The following SGCZ variants were observed in gnomAD, a reference collection of about 807,000 sequenced individuals.
SGCZ encodes zeta-sarcoglycan.
In SGCZ, 40 loss-of-function variants were observed where a neutral mutation model predicts 41.3. That is an observed-to-expected ratio of 0.97 (90% confidence interval 0.75 to 1.26). SGCZ has a LOEUF of 1.26. Among genes scored for constraint, SGCZ ranks in the 50% most tolerant of loss-of-function variants. SGCZ has a pLI of 0.00. For synonymous variants in SGCZ, 206 were observed against 137.5 expected (o/e 1.50, Z -3.49); for missense variants, 552 against 369.8 (o/e 1.49, Z -4.04).
At chr8:15,040,179 T>C (rs1804037569) in intron 1 of SGCZ, among the ~76,000 whole-genome samples, 1 of 152,224 alleles carries the variant, frequency 6.6e-6, no homozygotes. Context: ...AATGTTTAAA[T>C]ACTAATGGTT....
chr8:14,716,107 T>A (rs1210797993), intron 1 of SGCZ, among the ~76,000 whole-genome samples: 3 of 152,066 alleles, frequency 2.0e-5, no homozygotes, highest in Non-Finnish European at 2.9e-5. Flanking sequence ...AAGTGGAACC[T>A]AGAAATTAAT....
intron 1 of SGCZ, among the ~76,000 whole-genome samples, chr8:14,816,868 ATATGT>A (rs1801917129): frequency 6.6e-6 from 1 of 152,246 alleles, no homozygotes; most frequent in African/African-American, 2.4e-5. Context: ...GGCAAAGAGA[ATATGT>A]TATATTTTCC....
At chr8:14,974,510 G>A (rs934684539) in intron 1 of SGCZ, among the ~76,000 whole-genome samples, 1 of 152,062 alleles carries the variant, frequency 6.6e-6, no homozygotes, top group Non-Finnish European at 1.5e-5. Context: ...TCCCAAACTG[G>A]CCATGCATTT....
At chr8:14,878,091 C>G (rs1804433041) in intron 1 of SGCZ, among the ~76,000 whole-genome samples, 2 of 151,958 alleles carry the variant, frequency 1.3e-5, no homozygotes, top group South Asian at 4.1e-4. Flanking sequence ...AATTGCAGTT[C>G]CCTCTTTATT....
chr8:14,904,970 T>C (rs1799080796), intron 1 of SGCZ, among the ~76,000 whole-genome samples: 1 of 151,998 alleles, frequency 6.6e-6, no homozygotes, highest in African/African-American at 2.4e-5. Context: ...TCTTTGTTAT[T>C]ATGAAAACTT....
At chr8:14,926,653 T>TG (rs2130799079) in intron 1 of SGCZ, among the ~76,000 whole-genome samples, 1 of 152,212 alleles carries the variant, frequency 6.6e-6, no homozygotes, top group African/African-American at 2.4e-5. Context: ...GGTTTTTTTT[T>TG]GTTTTTTTGA....
chr8:14,982,621 G>A (rs115010201), intron 1 of SGCZ, among the ~76,000 whole-genome samples: 26 of 152,218 alleles, frequency 1.7e-4, no homozygotes, highest in African/African-American at 6.0e-4. Flanking sequence ...TTTAACTTCT[G>A]AGACTATTGT....
intron 2 of SGCZ, among the ~76,000 whole-genome samples, chr8:14,462,406 T>G (rs947240927): frequency 6.6e-5 from 10 of 152,082 alleles, no homozygotes; most frequent in Admixed American, 5.9e-4. Context: ...TGTTGTTTAG[T>G]ACACTCATAC....
At chr8:14,443,135 A>C (rs912705194) in intron 2 of SGCZ, among the ~76,000 whole-genome samples, 7 of 152,170 alleles carry the variant, frequency 4.6e-5, no homozygotes, top group African/African-American at 1.7e-4. Flanking sequence ...GGAGAACCAC[A>C]AACCACTGCT....
At chr8:14,255,320 T>G (rs901590196) in intron 3 of SGCZ, among the ~76,000 whole-genome samples, 6 of 152,170 alleles carry the variant, frequency 3.9e-5, no homozygotes, top group African/African-American at 1.4e-4. Flanking sequence ...TCTTGTCACA[T>G]TCACTTCATG....
chr8:14,967,312 T>C (rs1287712076), intron 1 of SGCZ, among the ~76,000 whole-genome samples: 5 of 152,238 alleles, frequency 3.3e-5, no homozygotes, highest in Non-Finnish European at 7.4e-5. Flanking sequence ...GGGATAGCGC[T>C]TCTAACTGGC....
chr8:14,811,010 C>T (rs1801721836), intron 1 of SGCZ, among the ~76,000 whole-genome samples: 1 of 151,928 alleles, frequency 6.6e-6, no homozygotes, highest in South Asian at 2.1e-4. Flanking sequence ...ATTTTTAGTA[C>T]ATCTTTCCCC....
chr8:14,541,627 A>AGAAT (rs1232826815), intron 2 of SGCZ, among the ~76,000 whole-genome samples: 1 of 152,138 alleles, frequency 6.6e-6, no homozygotes. Context: ...AATAATACAT[A>AGAAT]ATCCTTTGGG....
At chr8:14,671,105 A>G (rs1264906333) in intron 1 of SGCZ, among the ~76,000 whole-genome samples, 2 of 152,188 alleles carry the variant, frequency 1.3e-5, no homozygotes, top group African/African-American at 4.8e-5. Flanking sequence ...TATATATGTA[A>G]TAGTTCCTCT....
chr8:14,196,306 C>T (rs753229928), intron 4 of SGCZ, among the ~76,000 whole-genome samples: 2 of 150,684 alleles, frequency 1.3e-5, no homozygotes, highest in Non-Finnish European at 2.9e-5. Context: ...TCTTGTTGCC[C>T]AGGCTGGAGT....
At chr8:14,457,253 G>A (rs1162153586) in intron 2 of SGCZ, among the ~76,000 whole-genome samples, 1 of 152,206 alleles carries the variant, frequency 6.6e-6, no homozygotes, top group African/African-American at 2.4e-5. Flanking sequence ...GGGACATAGT[G>A]AGGTGTAACT....
Position 14,266,855 on chromosome 8 carries a change from C to T in SGCZ, c.337-29176G>A, listed in dbSNP as rs571068825. 2.0e-5 allele frequency among the ~76,000 whole-genome samples: 3 copies of T among 152,172 alleles called. No individual in the cohort carries two copies. The South Asian group carries it at 6.2e-4, about 31-fold the overall frequency. On this transcript the variant is annotated intron_variant, in intron 3 of 7. Transcript: ENST00000382080. ...TAAACTGGTAATCACAAAGAGAACA[C>T]TGGAATCCAAGTCATTATAACCACA... is the stretch of plus-strand genomic sequence containing the variant.
intron 2 of SGCZ, among the ~76,000 whole-genome samples, chr8:14,352,821 G>A (rs1490702743): frequency 6.6e-6 from 1 of 152,020 alleles, no homozygotes; most frequent in Non-Finnish European, 1.5e-5. Context: ...AACAACACAT[G>A]CATGCAGTCA....
At chr8:14,991,524 T>G (rs1248602582) in intron 1 of SGCZ, among the ~76,000 whole-genome samples, 1 of 152,144 alleles carries the variant, frequency 6.6e-6, no homozygotes. Context: ...AACTTTCATG[T>G]CATCTGGCCA....
Sources: gnomAD v4.1 joint callset for allele counts (sites outside exome capture counted in the v4.1 genomes callset) on GRCh38, gnomAD v4.1.1 for gene constraint, MANE v1.5 for transcripts, NCBI Gene and HGNC (gene_info 2026-07-23, HGNC 2026-07-21) for gene names.